GAS7: variants seen among roughly 807,000 people sequenced by gnomAD.
GAS7 encodes the protein growth arrest-specific protein 7.
GAS7 carries 28 observed loss-of-function variants against 71.1 expected under a neutral mutation model. The ratio of observed to expected loss-of-function variants is 0.39; its 90% CI spans 0.29 to 0.54. The LOEUF is 0.54. Among genes scored for constraint, GAS7 ranks in the 20% least tolerant of loss-of-function variants. The pLI is 0.62. For missense variants in GAS7, 436 were observed against 627.8 expected, an observed-to-expected ratio of 0.69 and a Z score of 3.27; for synonymous variants, 258 against 245.8, an observed-to-expected ratio of 1.05 and a Z score of -0.46.
intron 5 of GAS7, among the ~76,000 whole-genome samples, chr17:9,954,479 TGGGGGGTG>T (rs1474824472): frequency 1.1e-4 from 2 of 18,078 alleles, no homozygotes; most frequent in Non-Finnish European, 2.9e-4. Flanking sequence ...GGATGGGGGG[TGGGGGGTG>T]GGGGGTCATG....
At position 10,034,042 on chromosome 17, in the gene GAS7, G is replaced by A; in HGVS notation, c.184-14145C>T. The A allele has an allele frequency of 1.2e-6, 1 of 800,788 alleles. No individual in the cohort carries two copies. The highest frequency in any genetic ancestry group is 1.5e-6 in the Non-Finnish European group (1 of 661,374). The allele number at this position is 800,788 out of a possible 1,614,324, so 49.6% of individuals were successfully genotyped here. ...TTCAACTAACATTTCTGGAGCTGCT[G>A]CCGCTGGCACATATAAAGTAGGCAA... On this transcript the variant is annotated intron_variant, in intron 1 of 13. Transcript: ENST00000432992. This position sits in a 1 kb window ranked among gnomAD's most constrained non-coding sequence, Gnocchi z 4.4.
intron 1 of GAS7, among the ~76,000 whole-genome samples, chr17:10,197,666 GGGGCTC>G (rs1179947463): frequency 1.3e-5 from 2 of 152,232 alleles, no homozygotes; most frequent in East Asian, 3.9e-4. Context: ...GCCTGCTGAG[GGGGCTC>G]GGGCTGGTGG....
chr17:9,965,231 T>C (rs553670429), intron 4 of GAS7, among the ~76,000 whole-genome samples: 20 of 152,322 alleles, frequency 1.3e-4, no homozygotes, highest in Non-Finnish European at 2.8e-4. Flanking sequence ...ACGTGTTTAT[T>C]GCTACACTAT....
intron 1 of GAS7, among the ~76,000 whole-genome samples, chr17:10,185,281 T>G (rs1465293133): frequency 6.6e-6 from 1 of 152,050 alleles, no homozygotes; most frequent in African/African-American, 2.4e-5. Flanking sequence ...CACATGGAGG[T>G]GCTAGGAGAG....
chr17:10,005,295 GTATATACACA>G (rs960755280), intron 2 of GAS7, among the ~76,000 whole-genome samples: 1 of 149,796 alleles, frequency 6.7e-6, no homozygotes, highest in Non-Finnish European at 1.5e-5. Flanking sequence ...ATGCATACAT[GTATATACACA>G]TATATACACA....
intron 2 of GAS7, among the ~76,000 whole-genome samples, chr17:10,007,016 A>T (rs1367421287): frequency 6.6e-6 from 1 of 152,190 alleles, no homozygotes; most frequent in Non-Finnish European, 1.5e-5. Context: ...TATTTAAAGA[A>T]GTTGTGTTTT....
At chr17:10,172,644 TG>T (rs1459177002) in intron 1 of GAS7, among the ~76,000 whole-genome samples, 1 of 152,262 alleles carries the variant, frequency 6.6e-6, no homozygotes, top group Non-Finnish European at 1.5e-5. Flanking sequence ...TCACATTCTG[TG>T]GCTTGCGCCT....
intron 1 of GAS7, among the ~76,000 whole-genome samples, chr17:10,171,531 G>A (rs778701001): frequency 3.3e-5 from 5 of 152,222 alleles, no homozygotes; most frequent in Non-Finnish European, 5.9e-5. Flanking sequence ...AACTTTTACA[G>A]AACTTCTTTT....
chr17:10,138,129 A>T (rs1428032294), intron 1 of GAS7, among the ~76,000 whole-genome samples: 1 of 150,494 alleles, frequency 6.6e-6, no homozygotes, highest in East Asian at 2.0e-4. Flanking sequence ...CGCCCAGCTA[A>T]TTTTTTTTTG....
At chr17:9,929,088 A>G (rs969438411) in intron 9 of GAS7, among the ~76,000 whole-genome samples, 1 of 152,166 alleles carries the variant, frequency 6.6e-6, no homozygotes, top group African/African-American at 2.4e-5. Flanking sequence ...AGAGCTTACG[A>G]GAATAAATAA....
In GAS7 at chr17:10,103,872, T is replaced by G. The variant is rs1032313327; in HGVS notation, c.184-83975A>C. Among the ~76,000 whole-genome samples the G allele has an allele frequency of 2.2e-4, 32 of 148,602 alleles. No individual in the cohort carries two copies. Among genetic ancestry groups the G allele is most frequent in the African/African-American group, 6.9e-4 (28 of 40,416 alleles). On this transcript the variant is annotated intron_variant, in intron 1 of 13. Coordinates refer to ENST00000432992, the MANE Select transcript of GAS7 (RefSeq NM_201433.2). The surrounding 1 kb of genome is among the most constrained non-coding windows in gnomAD (Gnocchi z 5.5). ...AAAAGAAGCAAACCCATAGAACCCA[T>G]AGTAGCTGCTCATCAACCCACAGCC... is the stretch of plus-strand genomic sequence containing the variant.
intron 1 of GAS7, among the ~76,000 whole-genome samples, chr17:10,148,045 G>A (rs9902506): frequency 0.11 from 16,226 of 152,148 alleles, 1,999 homozygotes; most frequent in African/African-American, 0.3. Flanking sequence ...TGTGAGAGCC[G>A]ATCATGTATC....
chr17:10,120,684 C>G (rs755927448), intron 1 of GAS7, among the ~76,000 whole-genome samples: 9 of 152,154 alleles, frequency 5.9e-5, no homozygotes, highest in Non-Finnish European at 1.3e-4. Flanking sequence ...TGCACTCCAG[C>G]CTGGGGGACA....
At chr17:10,079,929 C>G (rs2073439630) in intron 1 of GAS7, among the ~76,000 whole-genome samples, 1 of 152,144 alleles carries the variant, frequency 6.6e-6, no homozygotes, top group East Asian at 1.9e-4. Flanking sequence ...GAGTAAAAGA[C>G]TTATATGGAG....
intron 11 of GAS7, among the ~76,000 whole-genome samples, chr17:9,924,955 A>G (rs1567777766): frequency 6.6e-6 from 1 of 152,228 alleles, no homozygotes; most frequent in East Asian, 1.9e-4. Context: ...GACTATTCCC[A>G]AGAGACTGAA....
intron 5 of GAS7, among the ~76,000 whole-genome samples, chr17:9,954,904 G>A (rs1187619818): frequency 6.6e-6 from 1 of 152,200 alleles, no homozygotes; most frequent in Admixed American, 6.5e-5. Context: ...GGAGGCAGTG[G>A]CAGCAGAGGG....
intron 7 of GAS7, 56 bp downstream of exon 7, chr17:9,943,065 G>A (rs1308938627): frequency 2.6e-6 from 3 of 1,169,410 alleles, no homozygotes; most frequent in East Asian, 2.3e-5. Context: ...CCCGGCCACG[G>A]GGCCCCGGGG....
At chr17:10,146,742 T>C (rs908464849) in intron 1 of GAS7, among the ~76,000 whole-genome samples, 1 of 151,972 alleles carries the variant, frequency 6.6e-6, no homozygotes, top group Non-Finnish European at 1.5e-5. Flanking sequence ...CCCAGCACTT[T>C]GGGAGGCCGA....
intron 5 of GAS7, among the ~76,000 whole-genome samples, chr17:9,957,286 T>C (rs375197574): frequency 2.0e-5 from 3 of 152,306 alleles, no homozygotes; most frequent in African/African-American, 7.2e-5. Context: ...AGAATACAAT[T>C]TGCAGACTCC....
Sources: allele counts gnomAD v4.1 joint callset (sites outside exome capture counted in the v4.1 genomes callset), GRCh38; gene constraint gnomAD v4.1.1; non-coding constraint Gnocchi (gnomAD v3.1); transcripts MANE v1.5; gene names NCBI Gene and HGNC (gene_info 2026-07-23, HGNC 2026-07-21).